ZNF276: variants seen among roughly 807,000 people sequenced by gnomAD.
ZNF276 encodes centromere protein Z.
In ZNF276, 59 loss-of-function variants were observed where a neutral mutation model predicts 63.9. The observed-to-expected ratio is 0.92, with a 90% CI of 0.75 to 1.15. The LOEUF (loss-of-function observed/expected upper bound fraction) is 1.15, where lower values mean the gene tolerates loss of function less well. Ranked by LOEUF, ZNF276 falls within the 50% of genes most tolerant of loss-of-function variation. ZNF276 has a pLI of 0.00. For missense variants in ZNF276, 1,084 were observed against 843.8 expected (o/e 1.28, Z -3.53); for synonymous variants, 496 against 348.4 (o/e 1.42, Z -4.72).
intron 10 of ZNF276, 28 bp downstream of exon 10, chr16:89,737,933 G>A: frequency 6.2e-7 from 1 of 1,613,992 alleles, no homozygotes. Context: ...CCCCCTCCCA[G>A]GGCTGTGGCC....
At position 89,739,556 on chromosome 16, in the gene ZNF276, G is replaced by A. The variant is rs368999000; in HGVS notation, c.*1310G>A. 5.2e-6 allele frequency: 8 copies of A among 1,551,012 alleles called. No homozygotes were observed. Among genetic ancestry groups the A allele is most frequent in the Non-Finnish European group, 6.1e-6 (7 of 1,146,956 alleles). ...GAGGAGCCGCCCCAGCCTGAGGTCT[G>A]CAACACCAAGAAGTGGCTCAGGCAA... On this transcript the variant is annotated 3_prime_UTR_variant, in exon 11 of 11. Coordinates refer to ENST00000443381, the MANE Select transcript of ZNF276 (RefSeq NM_001113525.2).
Position 89,737,988 on chromosome 16 carries a change from T to G in ZNF276, c.1587T>G (p.Cys529Trp). The change falls in exon 11 of 11, where the codon TGT becomes TGG. Residue 529 changes from cysteine (C) to tryptophan (W), a missense_variant. Cys to Trp is a radical substitution (Grantham distance 215, BLOSUM62 -2). Coordinates refer to ENST00000443381, the MANE Select transcript of ZNF276 (RefSeq NM_001113525.2). ...SGAKPLQCEVCGFQCRQRASL... is the reference protein window; with the variant it reads ...SGAKPLQCEVWGFQCRQRASL... ...CTCTGTCCCCCAGGTGTGAGGTCTG[T>G]GGGTTCCAGTGCAGGCAGCGGGCAT... The G allele has an allele frequency of 6.2e-7, 1 of 1,614,142 alleles. No homozygotes were observed. Among genetic ancestry groups the G allele is most frequent in the Non-Finnish European group, 8.5e-7 (1 of 1,180,030 alleles).
intron 6 of ZNF276, among the ~76,000 whole-genome samples, chr16:89,729,638 C>G (rs1384290129): frequency 6.6e-6 from 1 of 152,130 alleles, no homozygotes; most frequent in Non-Finnish European, 1.5e-5. Flanking sequence ...CTCTTACGTC[C>G]CTTCTGCCGG....
Position 89,738,828 on chromosome 16 carries a change from AG to A in ZNF276, c.*583del. On this transcript the variant is annotated 3_prime_UTR_variant, in exon 11 of 11. Coordinates refer to ENST00000443381, the MANE Select transcript of ZNF276 (RefSeq NM_001113525.2). ...AGCCAGGCAGGCACATGGCCCAGGCAGCTGTCAATTCTCATGTCCCCCACAT... is the reference window on the plus strand; with the variant it reads ...AGCCAGGCAGGCACATGGCCCAGGCACTGTCAATTCTCATGTCCCCCACAT... 1 of 1,614,142 alleles carries A rather than the reference AG, an allele frequency of 6.2e-7. No homozygotes were observed. Among genetic ancestry groups the A allele is most frequent in the Non-Finnish European group, 8.5e-7 (1 of 1,180,018 alleles).
At chr16:89,732,811 CTG>C (rs2061706659) in intron 6 of ZNF276, 1 of 229,456 alleles carries the variant, frequency 4.4e-6, no homozygotes, top group South Asian at 4.1e-5. Flanking sequence ...TCACCCTCTG[CTG>C]TGTTCACCTG....
In ZNF276 at chr16:89,733,516, C is replaced by G; in HGVS notation, c.1315C>G (p.Gln439Glu). 6.2e-7 allele frequency: 1 copy of G among 1,614,156 alleles called. No individual in the cohort carries two copies. Among genetic ancestry groups the G allele is most frequent in the Non-Finnish European group, 8.5e-7 (1 of 1,180,034 alleles). ...TCCCACCATCTACAAGTGTCCTTAC[C>G]AGGGCTGCACGGCCGTGTACCGAGG... Reference protein sequence around the residue: ...ELPTIYKCPYQGCTAVYRGAD... With the variant: ...ELPTIYKCPYEGCTAVYRGAD... The change falls in exon 8 of 11, where the codon CAG (glutamine) becomes GAG (glutamate). Residue 439 changes from glutamine (Q) to glutamate (E), a missense_variant. Coordinates refer to ENST00000443381, the MANE Select transcript of ZNF276 (RefSeq NM_001113525.2).
Position 89,721,563 on chromosome 16 carries a change from G to A in ZNF276, c.-78G>A. ...CCCCGCCTCGCTTCCAGCGCGCCGA[G>A]CGGAGCCTAACGCCGGGTCCTCTAG... On this transcript the variant is annotated 5_prime_UTR_variant, in exon 1 of 11. Coordinates refer to ENST00000443381, the MANE Select transcript of ZNF276 (RefSeq NM_001113525.2). 1 of 1,376,070 alleles carries A rather than the reference G, an allele frequency of 7.3e-7. No individual in the cohort carries two copies. Among genetic ancestry groups the A allele is most frequent in the Non-Finnish European group, 9.6e-7 (1 of 1,046,334 alleles). 85.2% of individuals were successfully genotyped at this position (1,376,070 alleles called of 1,614,324 possible).
Position 89,733,952 on chromosome 16 carries a change from G to C in ZNF276, c.1388G>C (p.Arg463Pro). ...ATCAAGGAGCACCACGAGGAGGTCC[G>C]GGAGCGGCCCTGCCCCCACCCTGGC... The part of the protein sequence containing the change: ...KHIKEHHEEV[R>P]ERPCPHPGCN... Residue 463 changes from arginine (R) to proline (P), a missense_variant, in exon 9 of 11, where the codon CGG (arginine) becomes CCG (proline). Transcript: ENST00000443381. The C allele has an allele frequency of 6.2e-7, 1 of 1,613,956 alleles. No individual in the cohort carries two copies. Among genetic ancestry groups the C allele is most frequent in the Non-Finnish European group, 8.5e-7 (1 of 1,180,008 alleles).
chr16:89,729,192 C>T (rs1191016811), intron 5 of ZNF276, 43 bp from the exon 6 acceptor site: 2 of 1,568,698 alleles, frequency 1.3e-6, no homozygotes, highest in East Asian at 4.5e-5. Flanking sequence ...TCTGTCACTG[C>T]CCAGGCCCAG....
Position 89,723,437 on chromosome 16 carries a change from G to C in ZNF276, c.734G>C (p.Ser245Thr), listed in dbSNP as rs1342778423. 1.2e-6 allele frequency: 2 copies of C among 1,613,106 alleles called. No individual in the cohort carries two copies. The highest frequency in any genetic ancestry group is 1.3e-5 in the African/African-American group (1 of 75,078). The change falls in exon 4 of 11, where the codon AGC (serine) becomes ACC (threonine). Residue 245 changes from serine to threonine, a missense_variant. Transcript: ENST00000443381. ...DQGHDYTMDT[S>T]SSCKAFLLDS... ...GGCCACGACTACACCATGGATACCA[G>C]CTCCAGCTGCAAGGCCTTCTTGCTG... is the stretch of plus-strand genomic sequence containing the variant.
At chr16:89,720,492 C>T, upstream of ZNF276, 1 of 1,124,384 alleles carries the variant, frequency 8.9e-7, no homozygotes, top group Non-Finnish European at 1.1e-6. Flanking sequence ...CCTCCTGCTA[C>T]ATCTCCTCTA....
rs372323322 is a variant in ZNF276 at position 89,723,674 on chromosome 16, C to A, written c.971C>A (p.Pro324Gln). 1 of 1,611,872 alleles carries A rather than the reference C, an allele frequency of 6.2e-7. No individual in the cohort carries two copies. Residue 324 changes from proline (P) to glutamine (Q), a missense_variant, in exon 4 of 11, where the codon CCA becomes CAA. Coordinates refer to ENST00000443381, the MANE Select transcript of ZNF276 (RefSeq NM_001113525.2). ...SDAVGPRSGF[P>Q]PQPSLPLCRA... ...GCGGTGGGGCCCAGGTCGGGCTTCC[C>A]ACCTCAGCCAAGCCTGCCCCTTTGC...
Position 89,738,127 on chromosome 16 carries a change from G to T in ZNF276, c.1726G>T (p.Val576Leu). 1 of 1,613,780 alleles carries T rather than the reference G, an allele frequency of 6.2e-7. No homozygotes were observed. Among genetic ancestry groups the T allele is most frequent in the Non-Finnish European group, 8.5e-7 (1 of 1,180,034 alleles). ...CAACCTCAATGTACACATGTCCATGGTGCACCCGCTGACACAGACCCAGGA... is the reference window on the plus strand; with the variant it reads ...CAACCTCAATGTACACATGTCCATGTTGCACCCGCTGACACAGACCCAGGA... The part of the protein sequence containing the change: ...AHNLNVHMSM[V>L]HPLTQTQDKA... The change falls in exon 11 of 11, where the codon GTG becomes TTG. Residue 576 changes from valine (V) to leucine (L), a missense_variant. Physicochemically the swap from Val to Leu is conservative, Grantham distance 32. Transcript: ENST00000443381.
rs2062092570 is a variant in ZNF276 at position 89,740,149 on chromosome 16, A to G, written c.*1903A>G. 2.1e-6 allele frequency: 3 copies of G among 1,455,130 alleles called. No homozygotes were observed. The highest frequency in any genetic ancestry group is 3.3e-5 in the Admixed American group (2 of 59,780). 90.1% of individuals were successfully genotyped at this position (1,455,130 alleles called of 1,614,324 possible). On this transcript the variant is annotated 3_prime_UTR_variant, in exon 11 of 11. Transcript: ENST00000443381. ...TGAGAATGGCCGACCTGGTGCTCCCATGGGTAGGAGGGTACAGCCCTCAGC... is the reference window on the plus strand; with the variant it reads ...TGAGAATGGCCGACCTGGTGCTCCCGTGGGTAGGAGGGTACAGCCCTCAGC...
intron 9 of ZNF276, among the ~76,000 whole-genome samples, chr16:89,735,891 G>GT (rs1206938214): frequency 4.1e-5 from 2 of 48,362 alleles, no homozygotes; most frequent in Non-Finnish European, 7.3e-5. Flanking sequence ...GTTTTTTTTT[G>GT]TTTGTTTGTT....
chr16:89,728,823 C>T (rs1016863657), intron 5 of ZNF276, among the ~76,000 whole-genome samples: 2 of 152,234 alleles, frequency 1.3e-5, no homozygotes, highest in Non-Finnish European at 2.9e-5. Flanking sequence ...AGGAGTTAGC[C>T]TCTGCACCCA....
chr16:89,740,425 G>A lies in ZNF276; in HGVS notation c.*2179G>A. ...GAGGCCGAGGTCGGCGGATCACTGA[G>A]GCCAGTTCAAGACCAGCCTGGCAAT... On this transcript the variant is annotated 3_prime_UTR_variant, in exon 11 of 11. Coordinates refer to ENST00000443381, the MANE Select transcript of ZNF276 (RefSeq NM_001113525.2). 1 of 466,454 alleles carries A rather than the reference G, an allele frequency of 2.1e-6. No homozygotes were observed. Among genetic ancestry groups the A allele is most frequent in the Non-Finnish European group, 3.9e-6 (1 of 256,208 alleles). The allele number at this position is 466,454 out of a possible 1,614,324, so 28.9% of individuals were successfully genotyped here. A position where few individuals can be genotyped will look rare whatever the true frequency, so the allele number is the denominator to read the frequency against.
chr16:89,720,417 C>T, upstream of ZNF276: 1 of 1,021,564 alleles, frequency 9.8e-7, no homozygotes, highest in African/African-American at 1.7e-5. Context: ...CCATCTCTGC[C>T]CAGAAAAATG....
chr16:89,721,485 CCCCTGG>C, upstream of ZNF276: 2 of 707,116 alleles, frequency 2.8e-6, no homozygotes, highest in South Asian at 4.7e-5. Context: ...CCGCCCCTGG[CCCCTGG>C]CCCGCCCCGC....
Sources: allele counts gnomAD v4.1 joint callset (sites outside exome capture counted in the v4.1 genomes callset), GRCh38; gene constraint gnomAD v4.1.1; transcripts MANE v1.5; gene names NCBI Gene and HGNC (gene_info 2026-07-23, HGNC 2026-07-21).